The following ZFAT variants were observed in gnomAD, a reference collection of about 807,000 sequenced individuals.
ZFAT encodes the protein zinc finger and AT-hook domain containing, also known as zinc finger protein ZFAT.
A neutral mutation model predicts 117.7 loss-of-function variants in ZFAT; 64 were observed. That is an observed-to-expected ratio of 0.54 (90% CI 0.44 to 0.67). The LOEUF (loss-of-function observed/expected upper bound fraction) is 0.67. Ranked by LOEUF, ZFAT falls within the 30% of genes least tolerant of loss-of-function variation. The pLI is 0.00. For missense variants in ZFAT, 1,433 were observed against 1,584.5 expected (o/e 0.90, Z 1.62); for synonymous variants, 679 against 615.0 (o/e 1.10, Z -1.54).
intron 11 of ZFAT, among the ~76,000 whole-genome samples, chr8:134,533,496 A>G (rs1384078784): frequency 6.6e-6 from 1 of 152,212 alleles, no homozygotes; most frequent in African/African-American, 2.4e-5. Context: ...ACATTCTATG[A>G]TGTTCTACAA....
intron 10 of ZFAT, among the ~76,000 whole-genome samples, chr8:134,573,005 G>A (rs918675843): frequency 6.6e-6 from 1 of 152,188 alleles, no homozygotes; most frequent in Admixed American, 6.5e-5. Flanking sequence ...AACACATATT[G>A]TATGAATCAA....
chr8:134,490,982 T>C (rs1293881217), intron 15 of ZFAT, among the ~76,000 whole-genome samples: 2 of 152,178 alleles, frequency 1.3e-5, no homozygotes, highest in African/African-American at 4.8e-5. Context: ...CCATCCCTTG[T>C]AGAGATCTTT....
At chr8:134,562,733 A>G (rs1225597915) in intron 11 of ZFAT, among the ~76,000 whole-genome samples, 2 of 152,202 alleles carry the variant, frequency 1.3e-5, no homozygotes, top group Non-Finnish European at 2.9e-5. Context: ...GACACCAACT[A>G]TGTAATGGCA....
chr8:134,601,336 C>A (rs1586791301), intron 6 of ZFAT, 141 bp downstream of exon 6: 1 of 1,271,670 alleles, frequency 7.9e-7, no homozygotes, highest in East Asian at 2.4e-5. Context: ...CACACAGGGT[C>A]ACCGTTCCTA....
rs765295159 is a variant in ZFAT, at chr8:134,657,637, A to G, written c.120T>C (p.Val40=). 3 of 1,614,104 alleles carry G rather than the reference A, an allele frequency of 1.9e-6. No homozygotes were observed. Among genetic ancestry groups the G allele is most frequent in the Admixed American group, 3.3e-5 (2 of 60,012 alleles). Residue 40 remains valine, a synonymous_variant, in exon 2 of 16, where the codon GTT becomes GTC. Coordinates refer to ENST00000377838, the MANE Select transcript of ZFAT (RefSeq NM_020863.4). ...GGGGAATAATAATCTCATCAACATT[A>G]ACCCCTTCTTCCATGTGCTTCTCTG... ...HVSEKHMEEG[V]NVDEIIIPLR...
Position 134,601,503 on chromosome 8 carries a change from T to C in ZFAT, c.2216A>G (p.Tyr739Cys). 1 of 1,613,634 alleles carries C rather than the reference T, an allele frequency of 6.2e-7. No individual in the cohort carries two copies. The highest frequency in any genetic ancestry group is 8.5e-7 in the Non-Finnish European group (1 of 1,179,686). ...ACAGTATTCACACTCCAGGTCTCCA[T>C]AAACCTTCCGGATCCGCTCACACAA... ...TSLCERIRKVYGDLECEYCGK... is the reference protein window; with the variant it reads ...TSLCERIRKVCGDLECEYCGK... Residue 739 changes from tyrosine (Y) to cysteine (C), a missense_variant, in exon 6 of 16, where the codon TAT becomes TGT. Transcript: ENST00000377838.
At chr8:134,597,673 T>C (rs940417484) in intron 7 of ZFAT, 1 of 152,152 alleles carries the variant, frequency 6.6e-6, no homozygotes, top group African/African-American at 2.4e-5. Flanking sequence ...CAGATCCTAC[T>C]TGAAAATCTC....
chr8:134,635,829 T>C (rs1196937090), intron 3 of ZFAT, among the ~76,000 whole-genome samples: 1 of 152,202 alleles, frequency 6.6e-6, no homozygotes, highest in South Asian at 2.1e-4. Flanking sequence ...TTATCTTTAT[T>C]TCCCAAAAGG....
At chr8:134,562,948 T>C (rs1824154004) in intron 11 of ZFAT, among the ~76,000 whole-genome samples, 1 of 152,168 alleles carries the variant, frequency 6.6e-6, no homozygotes, top group Admixed American at 6.5e-5. Context: ...AACCAAGGAA[T>C]GATTGAAAAG....
the ZFAT span, chr8:134,792,629 TG>T: frequency 2.6e-5 from 4 of 152,228 alleles, no homozygotes; most frequent in African/African-American, 9.6e-5. Context: ...CATATTTGAG[TG>T]TCTTCTACTT....
chr8:134,615,168 C>G (rs1248620485), intron 3 of ZFAT, among the ~76,000 whole-genome samples: 3 of 152,106 alleles, frequency 2.0e-5, no homozygotes, highest in Non-Finnish European at 4.4e-5. Context: ...AAACGTGACT[C>G]TGGCAGCGGC....
chr8:134,743,678 C>A, the ZFAT span, among the ~76,000 whole-genome samples: 1 of 152,092 alleles, frequency 6.6e-6, no homozygotes, highest in Admixed American at 6.6e-5. Context: ...TAGTGCTTTT[C>A]ACAGTCTCAC....
intron 1 of ZFAT, among the ~76,000 whole-genome samples, chr8:134,680,286 T>C (rs977789820): frequency 3.3e-5 from 5 of 150,804 alleles, no homozygotes; most frequent in East Asian, 3.9e-4. Flanking sequence ...AAAAAAGAAT[T>C]TGAAGCAAAG....
intron 10 of ZFAT, among the ~76,000 whole-genome samples, chr8:134,583,208 C>T (rs1358326657): frequency 6.6e-6 from 1 of 152,100 alleles, no homozygotes; most frequent in Non-Finnish European, 1.5e-5. Context: ...TTCTGCCCTG[C>T]CTTCTAGATT....
the ZFAT span, among the ~76,000 whole-genome samples, chr8:134,771,351 CACCCA>C: frequency 6.6e-6 from 1 of 152,198 alleles, no homozygotes; most frequent in Non-Finnish European, 1.5e-5. Flanking sequence ...CCTTTAACAG[CACCCA>C]AGTCACCTCT....
the ZFAT span, among the ~76,000 whole-genome samples, chr8:134,740,463 T>C: frequency 6.6e-6 from 1 of 152,234 alleles, no homozygotes; most frequent in East Asian, 1.9e-4. Flanking sequence ...AGCATTGGCC[T>C]GCAACAGATT....
intron 13 of ZFAT, among the ~76,000 whole-genome samples, chr8:134,515,463 C>T (rs1342848964): frequency 6.6e-6 from 1 of 152,216 alleles, no homozygotes; most frequent in African/African-American, 2.4e-5. Context: ...ACATCCTCTC[C>T]ACCATCTGTT....
At chr8:134,667,492 CAAAA>C (rs34820180) in intron 1 of ZFAT, among the ~76,000 whole-genome samples, 1 of 64,220 alleles carries the variant, frequency 1.6e-5, no homozygotes, top group Non-Finnish European at 3.0e-5. Context: ...GACTAAGTCT[CAAAA>C]AAAAAAAAAA....
At chr8:134,824,078 G>A in the ZFAT span, among the ~76,000 whole-genome samples, 2 of 152,362 alleles carry the variant, frequency 1.3e-5, no homozygotes, top group South Asian at 2.1e-4. Context: ...GATGGTCTCT[G>A]CTCTCAAGGG....
Sources: allele counts gnomAD v4.1 joint callset (sites outside exome capture counted in the v4.1 genomes callset), GRCh38; gene constraint gnomAD v4.1.1; transcripts MANE v1.5; gene names NCBI Gene and HGNC (gene_info 2026-07-23, HGNC 2026-07-21).